CCDC15: variants seen among roughly 807,000 people sequenced by gnomAD.
The protein encoded by CCDC15 is coiled-coil domain containing 15.
In CCDC15, 105 loss-of-function variants were observed where a neutral mutation model predicts 114.5. The observed-to-expected ratio is 0.92, with a 90% CI of 0.78 to 1.08. The LOEUF (loss-of-function observed/expected upper bound fraction) is 1.08, where lower values mean the gene tolerates loss of function less well. CCDC15 is among the 50% of genes least tolerant of loss of function. CCDC15 has a pLI of 0.00. For missense variants in CCDC15, 1,105 were observed against 1,093.6 expected (o/e 1.01, Z -0.15); for synonymous variants, 334 against 377.8 (o/e 0.88, Z 1.34).
chr11:124,967,464 A>G (rs1167819103), intron 4 of CCDC15, among the ~76,000 whole-genome samples: 2 of 152,290 alleles, frequency 1.3e-5, no homozygotes, highest in East Asian at 3.9e-4. Flanking sequence ...GTTCTCGTGC[A>G]TGGTTTTCAG....
intron 13 of CCDC15, among the ~76,000 whole-genome samples, chr11:125,015,265 A>G (rs1369256871): frequency 1.3e-5 from 2 of 152,162 alleles, no homozygotes; most frequent in African/African-American, 2.4e-5. Context: ...GGTGAAATAT[A>G]AAACAAATGT....
At chr11:125,025,206 A>G (rs953739032) in intron 13 of CCDC15, among the ~76,000 whole-genome samples, 4 of 148,394 alleles carry the variant, frequency 2.7e-5, no homozygotes, top group African/African-American at 7.4e-5. Flanking sequence ...TTTCATATAT[A>G]TATATGAAAG....
chr11:124,975,900 C>T (rs1220825489), intron 5 of CCDC15, among the ~76,000 whole-genome samples: 1 of 137,602 alleles, frequency 7.3e-6, no homozygotes, highest in African/African-American at 3.1e-5. Flanking sequence ...TGATTCAAAA[C>T]TTAAGTGAGT....
At chr11:125,006,205 C>G (rs1014653730) in intron 13 of CCDC15, among the ~76,000 whole-genome samples, 2 of 152,172 alleles carry the variant, frequency 1.3e-5, no homozygotes, top group African/African-American at 4.8e-5. Context: ...GTTCCTGTTG[C>G]TTGACATCCT....
intron 13 of CCDC15, among the ~76,000 whole-genome samples, chr11:125,014,114 G>T (rs1948613974): frequency 1.3e-5 from 2 of 152,184 alleles, no homozygotes; most frequent in African/African-American, 2.4e-5. Context: ...GGGGAGGGGA[G>T]AAAGGGCCCA....
At chr11:125,039,705 T>A (rs937179161) in intron 15 of CCDC15, among the ~76,000 whole-genome samples, 3 of 152,194 alleles carry the variant, frequency 2.0e-5, no homozygotes, top group Non-Finnish European at 4.4e-5. Flanking sequence ...AGCTTTATTT[T>A]AAAAAACACA....
At chr11:125,026,278 T>C (rs1181508101) in intron 13 of CCDC15, among the ~76,000 whole-genome samples, 1 of 152,222 alleles carries the variant, frequency 6.6e-6, no homozygotes, top group Admixed American at 6.5e-5. Flanking sequence ...TGGCTAGGGC[T>C]GGTCTAAATG....
intron 13 of CCDC15, among the ~76,000 whole-genome samples, chr11:125,025,237 C>A (rs532735044): frequency 6.7e-6 from 1 of 149,294 alleles, no homozygotes; most frequent in South Asian, 2.1e-4. Context: ...TAAACCAACT[C>A]TGGGTTCCTG....
At chr11:124,975,966 T>C (rs1344856044) in intron 5 of CCDC15, among the ~76,000 whole-genome samples, 1 of 152,088 alleles carries the variant, frequency 6.6e-6, no homozygotes, top group Non-Finnish European at 1.5e-5. Flanking sequence ...GACATTGTTT[T>C]GGTGCCTACC....
At chr11:124,977,406 A>C (rs939392484) in intron 5 of CCDC15, 72 bp from the exon 6 acceptor site, 1 of 1,361,844 alleles carries the variant, frequency 7.3e-7, no homozygotes, top group Non-Finnish European at 9.7e-7. Flanking sequence ...TCTTTCACAG[A>C]AACTCAACTT....
chr11:125,012,148 GT>G (rs1248073762), intron 13 of CCDC15, among the ~76,000 whole-genome samples: 1 of 152,198 alleles, frequency 6.6e-6, no homozygotes, highest in African/African-American at 2.4e-5. Context: ...GCCTTGGAAA[GT>G]TTGAGTAAAG....
intron 2 of CCDC15, among the ~76,000 whole-genome samples, chr11:124,955,957 T>C (rs1947541139): frequency 6.6e-6 from 1 of 152,126 alleles, no homozygotes; most frequent in African/African-American, 2.4e-5. Context: ...ATGAAGAATT[T>C]GATCGGAGAA....
In CCDC15 at chr11:124,993,141, T is replaced by A. The variant is rs374309253; in HGVS notation, c.2140-28T>A. 1.0e-4 allele frequency: 143 copies of A among 1,423,084 alleles called. 1 individual carries two copies. The Middle Eastern group carries it at 2.3e-3, about 23-fold the overall frequency. 88.2% of individuals were successfully genotyped at this position (1,423,084 alleles called of 1,614,324 possible). A position where few individuals can be genotyped will look rare whatever the true frequency, so the allele number is the denominator to read the frequency against. On this transcript the variant is annotated intron_variant, in intron 10 of 15. Coordinates refer to ENST00000344762, the MANE Select transcript of CCDC15 (RefSeq NM_025004.3). Reference sequence around the variant, plus strand: ...TAGCCCGTCATTTCTGCTTAGACAATCAGTTTTGTATTTTGTTGTTCCTTT... The same window carrying A: ...TAGCCCGTCATTTCTGCTTAGACAAACAGTTTTGTATTTTGTTGTTCCTTT...
At chr11:124,991,707 G>A (rs1948272027) in intron 9 of CCDC15, 124 bp downstream of exon 9, 5 of 851,564 alleles carry the variant, frequency 5.9e-6, no homozygotes, top group Non-Finnish European at 1.7e-6. Context: ...TTTTTCTGAT[G>A]GAGTCTTTCT....
chr11:125,039,824 A>G (rs1287379194), intron 15 of CCDC15, among the ~76,000 whole-genome samples: 2 of 151,436 alleles, frequency 1.3e-5, no homozygotes, highest in African/African-American at 4.9e-5. Context: ...GCCCTACTCT[A>G]GCCTTATCAA....
intron 13 of CCDC15, among the ~76,000 whole-genome samples, chr11:125,007,585 T>C (rs1948561387): frequency 6.6e-6 from 1 of 152,192 alleles, no homozygotes; most frequent in South Asian, 2.1e-4. Context: ...TTCCTTTGAA[T>C]AAATACCCAA....
chr11:125,034,463 C>A (rs1400293296), intron 13 of CCDC15, among the ~76,000 whole-genome samples: 1 of 152,218 alleles, frequency 6.6e-6, no homozygotes, highest in Admixed American at 6.5e-5. Flanking sequence ...AGATAAGACT[C>A]TTACTCAGGG....
At chr11:125,017,018 T>C (rs1184559575) in intron 13 of CCDC15, among the ~76,000 whole-genome samples, 1 of 152,326 alleles carries the variant, frequency 6.6e-6, no homozygotes, top group East Asian at 1.9e-4. Flanking sequence ...TAATTTTGCC[T>C]TTTACTTACT....
At chr11:124,955,375 G>A (rs1947531023) in intron 2 of CCDC15, among the ~76,000 whole-genome samples, 1 of 152,200 alleles carries the variant, frequency 6.6e-6, no homozygotes, top group Admixed American at 6.5e-5. Context: ...AGGAGAAAGA[G>A]ATGAACTCTG....
Sources: allele counts gnomAD v4.1 joint callset (sites outside exome capture counted in the v4.1 genomes callset), GRCh38; gene constraint gnomAD v4.1.1; transcripts MANE v1.5; gene names NCBI Gene and HGNC (gene_info 2026-07-23, HGNC 2026-07-21).